COL25A1: variants seen among roughly 807,000 people sequenced by gnomAD.
COL25A1 encodes the protein collagen alpha-1(XXV) chain.
COL25A1 carries 103 observed loss-of-function variants against 128.4 expected under a neutral mutation model. That is an observed-to-expected ratio of 0.80 (90% confidence interval 0.68 to 0.94). The LOEUF is 0.94. Among genes scored for constraint, COL25A1 ranks in the 40% least tolerant of loss-of-function variants. COL25A1 has a pLI of 0.00. For synonymous variants in COL25A1, 279 were observed against 277.2 expected, an observed-to-expected ratio of 1.01 and a Z score of -0.06; for missense variants, 745 against 840.0, an observed-to-expected ratio of 0.89 and a Z score of 1.40.
chr4:108,891,992 T>C (rs1259942773), intron 16 of COL25A1, among the ~76,000 whole-genome samples: 1 of 152,106 alleles, frequency 6.6e-6, no homozygotes. Context: ...GTGATTTTTT[T>C]TTTCTTTTTT....
intron 5 of COL25A1, among the ~76,000 whole-genome samples, chr4:109,023,634 C>T (rs1430273209): frequency 6.6e-6 from 1 of 152,180 alleles, no homozygotes; most frequent in South Asian, 2.1e-4. Flanking sequence ...AGAATGTTCA[C>T]AGCAAAGAAA....
chr4:109,033,629 G>A lies in COL25A1; in HGVS notation c.420+14539C>T, dbSNP rs570868948. 3.3e-5 allele frequency among the ~76,000 whole-genome samples: 5 copies of A among 152,222 alleles called. 1 individual carries two copies. The East Asian group carries it at 9.7e-4, about 29-fold the overall frequency. On this transcript the variant is annotated intron_variant, in intron 5 of 37. Coordinates refer to ENST00000399132, the MANE Select transcript of COL25A1 (RefSeq NM_198721.4). ...TATTTTTTGGTGTAGGAAATTTCCA[G>A]GTTTCTAAATTGTCTTCAACATCTC...
chr4:109,052,560 T>C (rs1017843698), intron 3 of COL25A1, among the ~76,000 whole-genome samples: 5 of 152,178 alleles, frequency 3.3e-5, no homozygotes, highest in East Asian at 1.9e-4. Flanking sequence ...ATAATTATTA[T>C]TGGAATCAGA....
At chr4:109,251,528 T>A (rs951854691) in intron 3 of COL25A1, among the ~76,000 whole-genome samples, 1 of 152,194 alleles carries the variant, frequency 6.6e-6, no homozygotes, top group African/African-American at 2.4e-5. Flanking sequence ...CAATTTCCCC[T>A]TGCTAGTCAG....
intron 3 of COL25A1, among the ~76,000 whole-genome samples, chr4:109,201,105 T>C (rs991732184): frequency 6.6e-6 from 1 of 152,194 alleles, no homozygotes; most frequent in African/African-American, 2.4e-5. Context: ...CTTATCTTCC[T>C]CACTAACCAC....
intron 3 of COL25A1, among the ~76,000 whole-genome samples, chr4:109,104,060 G>A: frequency 6.6e-6 from 1 of 152,038 alleles, no homozygotes; most frequent in Non-Finnish European, 1.5e-5. Context: ...AAATGCAAAA[G>A]GAATACTAGA....
intron 8 of COL25A1, among the ~76,000 whole-genome samples, chr4:108,946,802 A>G (rs1212948783): frequency 2.0e-5 from 3 of 152,218 alleles, no homozygotes; most frequent in Non-Finnish European, 2.9e-5. Flanking sequence ...AGGTTGGTAC[A>G]GGAAGAGTAA....
At chr4:109,141,196 G>C (rs1447831325) in intron 3 of COL25A1, among the ~76,000 whole-genome samples, 2 of 152,080 alleles carry the variant, frequency 1.3e-5, no homozygotes, top group Non-Finnish European at 2.9e-5. Context: ...AAAATTATGT[G>C]GTTTTGGTCA....
chr4:108,904,147 C>T (rs1743177873), intron 13 of COL25A1, among the ~76,000 whole-genome samples: 1 of 152,038 alleles, frequency 6.6e-6, no homozygotes, highest in Non-Finnish European at 1.5e-5. Flanking sequence ...GTTTCATAGC[C>T]AAGCTATAGG....
In COL25A1 at chr4:108,826,916, C is replaced by T. The variant is rs543550506; in HGVS notation, c.1764+219G>A. 3.9e-5 allele frequency among the ~76,000 whole-genome samples: 6 copies of T among 152,164 alleles called. No individual in the cohort carries two copies. In the South Asian group the frequency reaches 6.3e-4, roughly 16 times the overall value. On this transcript the variant is annotated intron_variant, in intron 33 of 37. Coordinates refer to ENST00000399132, the MANE Select transcript of COL25A1 (RefSeq NM_198721.4). Reference sequence around the variant, plus strand: ...AGACAGTCTCTGATCCTGTCAATCTCGTGAAGTGCCTGGATATGTGTCTGT... The same window carrying T: ...AGACAGTCTCTGATCCTGTCAATCTTGTGAAGTGCCTGGATATGTGTCTGT...
intron 6 of COL25A1, among the ~76,000 whole-genome samples, chr4:108,996,173 C>A (rs1301345959): frequency 1.3e-5 from 2 of 150,672 alleles, no homozygotes; most frequent in African/African-American, 4.9e-5. Flanking sequence ...CACAGACTGG[C>A]AAATTGGATA....
At chr4:108,972,345 A>G (rs1328791797) in intron 8 of COL25A1, among the ~76,000 whole-genome samples, 1 of 152,198 alleles carries the variant, frequency 6.6e-6, no homozygotes, top group East Asian at 1.9e-4. Flanking sequence ...TGTGGGTAAA[A>G]TTAATTTTCA....
chr4:109,143,224 A>G (rs1770596892), intron 3 of COL25A1, among the ~76,000 whole-genome samples: 1 of 152,192 alleles, frequency 6.6e-6, no homozygotes. Flanking sequence ...AGAATGTTGA[A>G]TATTGGCCTC....
chr4:109,242,450 A>T (rs933477837), intron 3 of COL25A1, among the ~76,000 whole-genome samples: 1 of 152,082 alleles, frequency 6.6e-6, no homozygotes, highest in African/African-American at 2.4e-5. Context: ...TTGAAGGTCA[A>T]ATTATGAATG....
In COL25A1 at chr4:108,993,883, A is replaced by C. The variant is rs143374771; in HGVS notation, c.438+16475T>G. Among the ~76,000 whole-genome samples the C allele has an allele frequency of 7.3e-3, 1,114 of 151,898 alleles. 8 individuals are homozygous for C. Among genetic ancestry groups the C allele is most frequent in the Admixed American group, 0.013 (197 of 15,250 alleles). On this transcript the variant is annotated intron_variant, in intron 6 of 37. Coordinates refer to ENST00000399132, the MANE Select transcript of COL25A1 (RefSeq NM_198721.4). ...CTCAAAAAAAAAAAAACAAGAAATT[A>C]GGTGTTGTGGGGGATACTAACAGTG... is the stretch of plus-strand genomic sequence containing the variant.
intron 3 of COL25A1, among the ~76,000 whole-genome samples, chr4:109,081,560 T>C (rs1368463583): frequency 6.6e-6 from 1 of 152,216 alleles, no homozygotes; most frequent in African/African-American, 2.4e-5. Context: ...AGTATATTCA[T>C]AGATATGTGC....
At chr4:108,873,562 CAGCAGT>C (rs148148186) in intron 19 of COL25A1, among the ~76,000 whole-genome samples, 1,542 of 147,234 alleles carry the variant, frequency 0.01, 29 homozygotes, top group African/African-American at 0.033. Context: ...GTAGTAGTAG[CAGCAGT>C]AGCAGCAGTA....
chr4:109,092,460 G>A (rs529225493), intron 3 of COL25A1, among the ~76,000 whole-genome samples: 3 of 152,084 alleles, frequency 2.0e-5, no homozygotes, highest in Non-Finnish European at 4.4e-5. Flanking sequence ...CTGCATTCCC[G>A]CCTGGGTGAC....
At chr4:109,093,457 G>GAAAAAAAAAAAAAAA (rs564834752) in intron 3 of COL25A1, among the ~76,000 whole-genome samples, 3 of 69,452 alleles carry the variant, frequency 4.3e-5, no homozygotes, top group African/African-American at 1.3e-4. Context: ...CCATCTCTAT[G>GAAAAAAAAAAAAAAA]AAAAAAAAAA....
Sources: allele counts gnomAD v4.1 joint callset (sites outside exome capture counted in the v4.1 genomes callset), GRCh38; gene constraint gnomAD v4.1.1; transcripts MANE v1.5; gene names NCBI Gene and HGNC (gene_info 2026-07-23, HGNC 2026-07-21).